CDH12: variants seen among roughly 807,000 people sequenced by gnomAD.
CDH12 encodes cadherin-12.
CDH12 carries 41 observed loss-of-function variants against 74.1 expected under a neutral mutation model. The observed-to-expected ratio is 0.55, with a 90% CI of 0.43 to 0.72. The LOEUF (loss-of-function observed/expected upper bound fraction) is 0.72, where lower values mean the gene tolerates loss of function less well. Ranked by LOEUF, CDH12 falls within the 30% of genes least tolerant of loss-of-function variation. The pLI is 0.00. For missense variants in CDH12, 945 were observed against 977.2 expected, an observed-to-expected ratio of 0.97 and a Z score of 0.44; for synonymous variants, 399 against 355.0, an observed-to-expected ratio of 1.12 and a Z score of -1.39.
intron 1 of CDH12, among the ~76,000 whole-genome samples, chr5:22,625,627 G>A (rs1738247494): frequency 6.6e-6 from 1 of 152,168 alleles, no homozygotes; most frequent in Admixed American, 6.5e-5. Flanking sequence ...GACAGAGCAT[G>A]GCCGTCTTGC....
intron 4 of CDH12, among the ~76,000 whole-genome samples, chr5:22,105,034 T>C (rs1370789974): frequency 6.6e-6 from 1 of 152,096 alleles, no homozygotes; most frequent in Non-Finnish European, 1.5e-5. Context: ...ATATGCTCCC[T>C]GTGACTTCAC....
intron 11 of CDH12, among the ~76,000 whole-genome samples, chr5:21,773,484 T>A (rs1487378159): frequency 6.6e-6 from 1 of 152,168 alleles, no homozygotes; most frequent in Non-Finnish European, 1.5e-5. Context: ...CCCTCGAACA[T>A]CAGACTCCAA....
At chr5:21,915,137 C>T (rs1162340522) in intron 6 of CDH12, among the ~76,000 whole-genome samples, 1 of 152,064 alleles carries the variant, frequency 6.6e-6, no homozygotes, top group Non-Finnish European at 1.5e-5. Flanking sequence ...AGATTTTCAG[C>T]AAAAAGTAAC....
At chr5:22,489,333 A>G (rs1468474736) in intron 2 of CDH12, among the ~76,000 whole-genome samples, 1 of 151,886 alleles carries the variant, frequency 6.6e-6, no homozygotes, top group Non-Finnish European at 1.5e-5. Context: ...CTGGGATTAC[A>G]GGCGTGAGCC....
chr5:22,289,198 A>C (rs1312566750), intron 3 of CDH12, among the ~76,000 whole-genome samples: 2 of 152,182 alleles, frequency 1.3e-5, no homozygotes, highest in African/African-American at 4.8e-5. Context: ...GGATTGATGA[A>C]AAATGACAAA....
At chr5:22,530,058 T>A in intron 1 of CDH12, among the ~76,000 whole-genome samples, 1 of 152,194 alleles carries the variant, frequency 6.6e-6, no homozygotes, top group East Asian at 1.9e-4. Context: ...AAATTTTAAA[T>A]TTTTTCATTC....
At chr5:22,187,207 T>G (rs1241302106) in intron 4 of CDH12, among the ~76,000 whole-genome samples, 2 of 152,158 alleles carry the variant, frequency 1.3e-5, no homozygotes, top group African/African-American at 2.4e-5. Context: ...CTCTGGCATC[T>G]GGGCAGATGG....
intron 4 of CDH12, among the ~76,000 whole-genome samples, chr5:22,193,018 G>T (rs1033320446): frequency 6.6e-6 from 1 of 152,028 alleles, no homozygotes; most frequent in Middle Eastern, 3.2e-3. Flanking sequence ...ATACTGGAAT[G>T]GAGTGTGGAA....
At chr5:22,798,912 T>G (rs1355434582) in intron 1 of CDH12, among the ~76,000 whole-genome samples, 1 of 151,960 alleles carries the variant, frequency 6.6e-6, no homozygotes, top group Non-Finnish European at 1.5e-5. Flanking sequence ...CCCAGGAGTT[T>G]GAGATCAGCC....
chr5:22,780,364 G>A (rs1298129947), intron 1 of CDH12, among the ~76,000 whole-genome samples: 1 of 152,108 alleles, frequency 6.6e-6, no homozygotes, highest in African/African-American at 2.4e-5. Context: ...GTCTCAGGCT[G>A]CTATAAAGAA....
intron 3 of CDH12, among the ~76,000 whole-genome samples, chr5:22,327,337 T>A (rs543770897): frequency 6.6e-6 from 1 of 152,216 alleles, no homozygotes; most frequent in Non-Finnish European, 1.5e-5. Context: ...AAAATGGTAA[T>A]TTTTTTCATA....
intron 8 of CDH12, among the ~76,000 whole-genome samples, chr5:21,818,980 T>C (rs1025442903): frequency 2.7e-4 from 41 of 152,022 alleles, no homozygotes; most frequent in Admixed American, 2.7e-3. Context: ...TCCTAAGCAC[T>C]TAACATAGTA....
chr5:22,129,993 A>C (rs899781574), intron 4 of CDH12, among the ~76,000 whole-genome samples: 1 of 152,070 alleles, frequency 6.6e-6, no homozygotes, highest in Non-Finnish European at 1.5e-5. Flanking sequence ...AATATGATGA[A>C]GTTTAAATTG....
intron 1 of CDH12, among the ~76,000 whole-genome samples, chr5:22,849,641 A>C (rs1419591390): frequency 6.6e-6 from 1 of 152,124 alleles, no homozygotes; most frequent in African/African-American, 2.4e-5. Context: ...AGATTTAAGG[A>C]ATAATACGTA....
chr5:22,317,477 G>A (rs948690865), intron 3 of CDH12, among the ~76,000 whole-genome samples: 6 of 151,916 alleles, frequency 3.9e-5, no homozygotes, highest in African/African-American at 1.5e-4. Flanking sequence ...ACACACATAT[G>A]TATTTAAAGA....
intron 11 of CDH12, chr5:21,779,627 C>T (rs1266228125): frequency 2.0e-5 from 3 of 152,266 alleles, no homozygotes; most frequent in South Asian, 4.1e-4. Context: ...GTTCAATCAT[C>T]GTGCCATTTC....
chr5:22,461,407 A>T lies in CDH12; in HGVS notation c.-428+43863T>A, dbSNP rs546404376. On this transcript the variant is annotated intron_variant, in intron 2 of 14. Transcript: ENST00000382254. ...AGAGAATAATCATTTTACTACTGTT[A>T]AAAAAAAATGAACATGTATTCAAGT... 9.3e-4 allele frequency among the ~76,000 whole-genome samples: 139 copies of T among 150,192 alleles called. No homozygotes were observed. In the Middle Eastern group the frequency reaches 0.021, roughly 23 times the overall value.
chr5:22,412,935 A>G (rs1743222792), intron 2 of CDH12, among the ~76,000 whole-genome samples: 1 of 151,868 alleles, frequency 6.6e-6, no homozygotes, highest in Non-Finnish European at 1.5e-5. Context: ...AAAATAGTTG[A>G]TGTTCATCCA....
In CDH12 at chr5:22,401,987, G is replaced by A. The variant is rs867506707; in HGVS notation, c.-333+3270C>T. Among the ~76,000 whole-genome samples, 5 of 152,290 alleles carry A rather than the reference G, an allele frequency of 3.3e-5. No individual in the cohort carries two copies. In the South Asian group the frequency reaches 6.2e-4, roughly 19 times the overall value. The stretch of plus-strand genomic sequence containing the variant: ...CTGAGCCTCCAAAGGGAACCAGTCC[G>A]GCTAACACTTCATTTTGGCCTTCTG... On this transcript the variant is annotated intron_variant, in intron 3 of 14. Transcript: ENST00000382254.
Sources: gnomAD v4.1 joint callset for allele counts (sites outside exome capture counted in the v4.1 genomes callset) on GRCh38, gnomAD v4.1.1 for gene constraint, MANE v1.5 for transcripts, NCBI Gene and HGNC (gene_info 2026-07-23, HGNC 2026-07-21) for gene names.